The following IL1RAPL2 variants were observed in gnomAD, a reference collection of about 807,000 sequenced individuals.
IL1RAPL2 encodes X-linked interleukin-1 receptor accessory protein-like 2.
Under a neutral mutation model 44.1 loss-of-function variants are expected in IL1RAPL2, and 3 were observed. That is an observed-to-expected ratio of 0.07 (90% CI 0.03 to 0.18). IL1RAPL2 has a LOEUF of 0.18. Among genes scored for constraint, IL1RAPL2 ranks in the 10% least tolerant of loss-of-function variants. The probability of loss-of-function intolerance (pLI) is 1.00; values close to 1 mark genes in which losing one functional copy is unlikely to be tolerated. For missense variants in IL1RAPL2, 391 were observed against 496.4 expected (o/e 0.79, Z 2.02); for synonymous variants, 181 against 178.8 (o/e 1.01, Z -0.10).
intron 7 of IL1RAPL2, among the ~76,000 whole-genome samples, chrX:105,737,433 A>ATCTT (rs2147572826): frequency 9.0e-6 from 1 of 111,597 alleles, no homozygotes; most frequent in South Asian, 3.8e-4. Flanking sequence ...CACCATTTTG[A>ATCTT]TCTTTAATTC....
chrX:105,345,845 A>C (rs1164602487), intron 5 of IL1RAPL2, among the ~76,000 whole-genome samples: 1 of 112,047 alleles, frequency 8.9e-6, no homozygotes, highest in African/African-American at 3.2e-5. Flanking sequence ...TCATTGCATA[A>C]GCACAGGAAT....
At chrX:105,567,621 A>G (rs1232014918) in intron 6 of IL1RAPL2, among the ~76,000 whole-genome samples, 4 of 111,599 alleles carry the variant, frequency 3.6e-5, no homozygotes, top group African/African-American at 1.3e-4. Context: ...GAGTCCATTT[A>G]CATTTAAATT....
At chrX:104,917,287 A>G (rs1028364010) in intron 2 of IL1RAPL2, among the ~76,000 whole-genome samples, 1 of 111,845 alleles carries the variant, frequency 8.9e-6, no homozygotes, top group African/African-American at 3.3e-5. Flanking sequence ...AAAGTGAAAG[A>G]AAAGAATCTG....
chrX:105,085,236 A>G (rs934454485), intron 2 of IL1RAPL2, among the ~76,000 whole-genome samples: 4 of 112,518 alleles, frequency 3.6e-5, no homozygotes, highest in South Asian at 7.3e-4. Flanking sequence ...GAGTGAAGAG[A>G]CAACCTATAT....
At chrX:104,803,705 C>G (rs768309747) in intron 2 of IL1RAPL2, among the ~76,000 whole-genome samples, 8 of 112,500 alleles carry the variant, frequency 7.1e-5, no homozygotes, top group African/African-American at 1.9e-4. Context: ...AGCATGACAC[C>G]ATAGTTTATC....
chrX:105,042,906 G>T (rs1428765636), intron 2 of IL1RAPL2, among the ~76,000 whole-genome samples: 19 of 107,216 alleles, frequency 1.8e-4, no homozygotes, highest in African/African-American at 4.8e-4. Flanking sequence ...CCATAAAAAA[G>T]GATGAGTTCA....
chrX:105,637,027 A>G (rs575732116), intron 6 of IL1RAPL2, among the ~76,000 whole-genome samples: 1 of 110,858 alleles, frequency 9.0e-6, no homozygotes, highest in African/African-American at 3.3e-5. Context: ...CCTCTGGGCT[A>G]TTGGGTCATA....
intron 2 of IL1RAPL2, among the ~76,000 whole-genome samples, chrX:104,856,200 A>G (rs1751994984): frequency 8.9e-6 from 1 of 112,306 alleles, no homozygotes; most frequent in Admixed American, 9.4e-5. Flanking sequence ...GTATTCCAAG[A>G]AGACTGAAGC....
intron 1 of IL1RAPL2, among the ~76,000 whole-genome samples, chrX:104,640,374 C>T (rs1270764269): frequency 9.0e-6 from 1 of 111,689 alleles, no homozygotes; most frequent in East Asian, 2.8e-4. Context: ...GTAAAGTTCT[C>T]ATTCATATCC....
intron 2 of IL1RAPL2, among the ~76,000 whole-genome samples, chrX:105,047,621 C>T (rs1211325350): frequency 1.8e-5 from 2 of 111,239 alleles, no homozygotes; most frequent in Non-Finnish European, 3.8e-5. Context: ...TCCTCACCTG[C>T]TTGTCTTCTA....
rs578017702 is a variant in IL1RAPL2, at chrX:104,610,457, CA to C, written c.-20+43411del. On this transcript the variant is annotated intron_variant, in intron 1 of 10. Transcript: ENST00000372582. ...AGTCTCAGGATACAAAATCAATGTG[CA>C]AAAATCACAAGCATTCTTATACACT... is the stretch of plus-strand genomic sequence containing the variant. 4.7e-3 allele frequency among the ~76,000 whole-genome samples: 522 copies of C among 111,845 alleles called. 3 individuals are homozygous for C. The highest frequency in any genetic ancestry group is 7.4e-3 in the Non-Finnish European group (396 of 53,180).
chrX:104,680,731 CATT>C (rs1930877477), intron 2 of IL1RAPL2, among the ~76,000 whole-genome samples: 1 of 111,733 alleles, frequency 8.9e-6, no homozygotes, highest in South Asian at 3.8e-4. Context: ...TGTTTCCAAA[CATT>C]ATCTTCTTGA....
At chrX:105,079,775 C>A (rs947540886) in intron 2 of IL1RAPL2, among the ~76,000 whole-genome samples, 3 of 111,039 alleles carry the variant, frequency 2.7e-5, no homozygotes, top group Admixed American at 9.6e-5. Context: ...GGAATCACCA[C>A]ACTGTCTTCC....
At chrX:105,302,520 G>T (rs1049009494) in intron 5 of IL1RAPL2, among the ~76,000 whole-genome samples, 4 of 112,098 alleles carry the variant, frequency 3.6e-5, no homozygotes, top group Non-Finnish European at 5.6e-5. Context: ...ATGGTGCACA[G>T]TGTGTTTAGC....
At chrX:105,363,177 G>A (rs2035260190) in intron 5 of IL1RAPL2, among the ~76,000 whole-genome samples, 1 of 104,511 alleles carries the variant, frequency 9.6e-6, no homozygotes, top group South Asian at 4.2e-4. Context: ...AATCTATGTT[G>A]TCACAAATGA....
intron 5 of IL1RAPL2, among the ~76,000 whole-genome samples, chrX:105,447,077 A>T (rs1295142598): frequency 2.1e-5 from 1 of 47,975 alleles, no homozygotes; most frequent in African/African-American, 1.5e-4. Context: ...GGTTAAAATT[A>T]TATATATATA....
chrX:105,249,794 A>C (rs1336991627), intron 4 of IL1RAPL2, among the ~76,000 whole-genome samples: 3 of 111,896 alleles, frequency 2.7e-5, no homozygotes, highest in Non-Finnish European at 5.7e-5. Flanking sequence ...ACAGTTTGGC[A>C]GTTCATTACA....
At chrX:104,988,591 G>C (rs1426255075) in intron 2 of IL1RAPL2, among the ~76,000 whole-genome samples, 2 of 112,020 alleles carry the variant, frequency 1.8e-5, no homozygotes, top group Non-Finnish European at 3.8e-5. Context: ...GTTAAGGCTT[G>C]AATGCCCAAG....
At chrX:105,414,544 T>C (rs2035719399) in intron 5 of IL1RAPL2, among the ~76,000 whole-genome samples, 1 of 112,170 alleles carries the variant, frequency 8.9e-6, no homozygotes, top group African/African-American at 3.2e-5. Flanking sequence ...GGTACCTGTT[T>C]AGCCTCATCT....
Sources: gnomAD v4.1 joint callset for allele counts (sites outside exome capture counted in the v4.1 genomes callset) on GRCh38, gnomAD v4.1.1 for gene constraint, MANE v1.5 for transcripts, NCBI Gene and HGNC (gene_info 2026-07-23, HGNC 2026-07-21) for gene names.